The following CNTN6 variants were observed in gnomAD, a reference collection of about 807,000 sequenced individuals.
The protein encoded by CNTN6 is contactin-6.
Under a neutral mutation model 122.8 loss-of-function variants are expected in CNTN6, and 137 were observed. The observed-to-expected ratio is 1.12, with a 90% CI of 0.97 to 1.29. The LOEUF (loss-of-function observed/expected upper bound fraction) is 1.29. Ranked by LOEUF, CNTN6 falls within the 50% of genes most tolerant of loss-of-function variation. The probability of loss-of-function intolerance (pLI) is 0.00; values close to 1 mark genes in which losing one functional copy is unlikely to be tolerated. For missense variants in CNTN6, 1,634 were observed against 1,223.4 expected (o/e 1.34, Z -5.01); for synonymous variants, 570 against 426.0 (o/e 1.34, Z -4.16).
intron 2 of CNTN6, among the ~76,000 whole-genome samples, chr3:1,211,491 G>A (rs922914545): frequency 6.6e-6 from 1 of 152,180 alleles, no homozygotes; most frequent in East Asian, 1.9e-4. Context: ...CTTTCTCAAG[G>A]CTGTTTTAGT....
At chr3:1,173,315 AG>A (rs2093393692) in intron 2 of CNTN6, 1 of 456,500 alleles carries the variant, frequency 2.2e-6, no homozygotes, top group Admixed American at 2.4e-5. Flanking sequence ...CGGTTTGCAA[AG>A]AGGTGAGTGT....
intron 2 of CNTN6, among the ~76,000 whole-genome samples, chr3:1,151,219 A>G (rs1575031674): frequency 6.6e-6 from 1 of 152,226 alleles, no homozygotes; most frequent in African/African-American, 2.4e-5. Flanking sequence ...GATGGCAGGG[A>G]CTATATCTTG....
intron 2 of CNTN6, among the ~76,000 whole-genome samples, chr3:1,194,575 T>A (rs2093748959): frequency 6.6e-6 from 1 of 152,168 alleles, no homozygotes; most frequent in Admixed American, 6.5e-5. Context: ...TATCTAGGAT[T>A]CCCTGTTCTC....
chr3:1,277,346 C>CTT (rs10599744), intron 4 of CNTN6, among the ~76,000 whole-genome samples: 2 of 80,170 alleles, frequency 2.5e-5, no homozygotes, highest in Non-Finnish European at 4.9e-5. Context: ...AGTAGGTTTT[C>CTT]TTTTTTTTTT....
intron 5 of CNTN6, among the ~76,000 whole-genome samples, chr3:1,282,573 C>T (rs779660361): frequency 2.0e-5 from 3 of 152,160 alleles, no homozygotes; most frequent in Non-Finnish European, 4.4e-5. Context: ...TCCTTGTTCC[C>T]ATATTTCCAA....
intron 4 of CNTN6, among the ~76,000 whole-genome samples, chr3:1,262,958 A>G (rs1315108328): frequency 6.6e-6 from 1 of 152,160 alleles, no homozygotes; most frequent in East Asian, 1.9e-4. Context: ...TAATAATTAA[A>G]TCTACATATC....
intron 10 of CNTN6, among the ~76,000 whole-genome samples, chr3:1,328,330 G>A (rs1459494633): frequency 6.6e-6 from 1 of 151,836 alleles, no homozygotes; most frequent in South Asian, 2.1e-4. Flanking sequence ...CACAATAAAT[G>A]ACGCGTTGAT....
At chr3:1,218,880 TAAC>T (rs963484797) in intron 2 of CNTN6, among the ~76,000 whole-genome samples, 2 of 152,158 alleles carry the variant, frequency 1.3e-5, no homozygotes, top group African/African-American at 4.8e-5. Context: ...TTTTTGTTTT[TAAC>T]AACAACAACA....
At chr3:1,391,916 A>G (rs1236266674) in intron 20 of CNTN6, among the ~76,000 whole-genome samples, 1 of 152,246 alleles carries the variant, frequency 6.6e-6, no homozygotes, top group Non-Finnish European at 1.5e-5. Context: ...GGATACAAAC[A>G]AATGGAAGAA....
intron 10 of CNTN6, among the ~76,000 whole-genome samples, chr3:1,328,620 C>G (rs1383819717): frequency 6.6e-6 from 1 of 151,774 alleles, no homozygotes; most frequent in African/African-American, 2.4e-5. Context: ...TGAGGAGTTG[C>G]TATCGTTGCA....
At chr3:1,146,837 T>G (rs890286090) in intron 1 of CNTN6, among the ~76,000 whole-genome samples, 5 of 152,118 alleles carry the variant, frequency 3.3e-5, no homozygotes, top group Non-Finnish European at 5.9e-5. Flanking sequence ...GGCTGTGGTA[T>G]CAAAAGGAAT....
chr3:1,251,384 A>G (rs1162977702), intron 4 of CNTN6, among the ~76,000 whole-genome samples: 1 of 152,118 alleles, frequency 6.6e-6, no homozygotes. Flanking sequence ...ACGAATCCTA[A>G]CAACTACTCC....
At chr3:1,369,011 C>T (rs1014970092) in intron 12 of CNTN6, among the ~76,000 whole-genome samples, 2 of 152,164 alleles carry the variant, frequency 1.3e-5, no homozygotes, top group African/African-American at 4.8e-5. Context: ...GCTTTCACTC[C>T]TCTATTACTC....
chr3:1,337,092 A>G (rs1703182835), intron 11 of CNTN6, among the ~76,000 whole-genome samples: 1 of 152,176 alleles, frequency 6.6e-6, no homozygotes, highest in African/African-American at 2.4e-5. Flanking sequence ...CGTTAGCATA[A>G]TGCCTGACAC....
rs1157349104 is a variant in CNTN6 at position 1,253,066 on chromosome 3, T to A, written c.358+25073T>A. 3.3e-5 allele frequency among the ~76,000 whole-genome samples: 5 copies of A among 152,300 alleles called. No individual in the cohort carries two copies. The East Asian group carries it at 9.7e-4, about 29-fold the overall frequency. On this transcript the variant is annotated intron_variant, in intron 4 of 22. Coordinates refer to ENST00000446702, the MANE Select transcript of CNTN6 (RefSeq NM_001289080.2). ...GTCCTATGTGCGTGTTCTAATCTAGTTAATTTACTTCAATCATCCTCTTTT... is the reference window on the plus strand; with the variant it reads ...GTCCTATGTGCGTGTTCTAATCTAGATAATTTACTTCAATCATCCTCTTTT...
At chr3:1,225,169 T>A (rs2094263898) in intron 3 of CNTN6, among the ~76,000 whole-genome samples, 4 of 152,234 alleles carry the variant, frequency 2.6e-5, no homozygotes, top group Admixed American at 2.6e-4. Context: ...TTAATTCAGA[T>A]GCTAAAAGCA....
At chr3:1,287,716 T>A (rs1694589902) in intron 5 of CNTN6, among the ~76,000 whole-genome samples, 1 of 152,130 alleles carries the variant, frequency 6.6e-6, no homozygotes, top group Non-Finnish European at 1.5e-5. Flanking sequence ...CACTGCTCAT[T>A]ATATGCTAAT....
At chr3:1,353,726 A>G (rs975063028) in intron 12 of CNTN6, among the ~76,000 whole-genome samples, 10 of 151,766 alleles carry the variant, frequency 6.6e-5, no homozygotes, top group African/African-American at 2.4e-4. Flanking sequence ...GATATTTATT[A>G]TATCATTTCA....
chr3:1,218,669 T>A (rs2094162194), intron 2 of CNTN6, among the ~76,000 whole-genome samples: 1 of 152,082 alleles, frequency 6.6e-6, no homozygotes, highest in Non-Finnish European at 1.5e-5. Context: ...AAATGGGAGT[T>A]GCAAATATAA....
Sources: allele counts gnomAD v4.1 joint callset (sites outside exome capture counted in the v4.1 genomes callset), GRCh38; gene constraint gnomAD v4.1.1; transcripts MANE v1.5; gene names NCBI Gene and HGNC (gene_info 2026-07-23, HGNC 2026-07-21).